Variants in UBE2D2 observed in about 807,000 individuals in gnomAD.
UBE2D2 encodes ubiquitin conjugating enzyme E2 D2.
A neutral mutation model predicts 24.2 loss-of-function variants in UBE2D2; 2 were observed. The ratio of observed to expected loss-of-function variants is 0.08; its 90% CI spans 0.03 to 0.26. The LOEUF (loss-of-function observed/expected upper bound fraction) is 0.26, where lower values mean the gene tolerates loss of function less well. Ranked by LOEUF, UBE2D2 falls within the 10% of genes least tolerant of loss-of-function variation. The pLI is 1.00. For synonymous variants in UBE2D2, 58 were observed against 56.5 expected (o/e 1.03, Z -0.12); for missense variants, 44 against 177.6 (o/e 0.25, Z 4.28).
chr5:139,614,367 C>T (rs770388833), intron 2 of UBE2D2, among the ~76,000 whole-genome samples: 1 of 152,138 alleles, frequency 6.6e-6, no homozygotes, highest in Non-Finnish European at 1.5e-5. Context: ...CCACACCTGG[C>T]TCTAAATATT....
chr5:139,583,052 C>G (rs547671641), intron 1 of UBE2D2, among the ~76,000 whole-genome samples: 1 of 151,500 alleles, frequency 6.6e-6, no homozygotes, highest in South Asian at 2.1e-4. Context: ...TTGGCTCACT[C>G]CATCTTCCGC....
chr5:139,560,180 C>A (rs188279357), upstream of UBE2D2, among the ~76,000 whole-genome samples: 121 of 147,996 alleles, frequency 8.2e-4, 1 homozygote, highest in Non-Finnish European at 1.0e-3. Flanking sequence ...TTTACAGGAA[C>A]CTGCCACCAC....
chr5:139,596,596 T>C (rs1408505031), intron 1 of UBE2D2, among the ~76,000 whole-genome samples: 1 of 150,964 alleles, frequency 6.6e-6, no homozygotes, highest in African/African-American at 2.4e-5. Context: ...CCAGCCCAAA[T>C]GTACTTTTAA....
At chr5:139,600,083 C>G (rs887768334) in intron 1 of UBE2D2, among the ~76,000 whole-genome samples, 5 of 152,126 alleles carry the variant, frequency 3.3e-5, no homozygotes, top group African/African-American at 1.2e-4. Context: ...CAGGTGTGAG[C>G]CATCACGCCC....
chr5:139,543,046 G>A (rs1752779371), intron 1 of UBE2D2, among the ~76,000 whole-genome samples: 1 of 152,044 alleles, frequency 6.6e-6, no homozygotes, highest in East Asian at 1.9e-4. Context: ...ACAGGCGCGC[G>A]CCACCATGCC....
chr5:139,565,091 A>G (rs1353271506), intron 1 of UBE2D2, among the ~76,000 whole-genome samples: 2 of 152,198 alleles, frequency 1.3e-5, no homozygotes, highest in Non-Finnish European at 2.9e-5. Context: ...CATTCCCTGA[A>G]AAAATAATTC....
chr5:139,547,544 CT>C (rs1236694707), intron 1 of UBE2D2, among the ~76,000 whole-genome samples: 2 of 150,876 alleles, frequency 1.3e-5, no homozygotes, highest in African/African-American at 2.4e-5. Context: ...GGAGTCTTGC[CT>C]GTCACCCAGG....
rs112005884 is a variant in UBE2D2, at chr5:139,615,410, G to A, written c.304+444G>A. Among the ~76,000 whole-genome samples, 569 of 152,188 alleles carry A rather than the reference G, an allele frequency of 3.7e-3. 3 individuals carry two copies. The highest frequency in any genetic ancestry group is 6.0e-3 in the Non-Finnish European group (406 of 68,016). On this transcript the variant is annotated intron_variant, in intron 5 of 6. Transcript: ENST00000398733. ...TGAGGCAGGAGAATGGTGTGAACCC[G>A]GGAGGCAGAGGTTTCAGTGAGCAGA... is the stretch of plus-strand genomic sequence containing the variant.
At chr5:139,622,560 A>G (rs1373178286) in intron 5 of UBE2D2, among the ~76,000 whole-genome samples, 1 of 148,294 alleles carries the variant, frequency 6.7e-6, no homozygotes, top group African/African-American at 2.5e-5. Context: ...TTATTTTTTA[A>G]TGACCTAACC....
At chr5:139,566,508 T>TA (rs1265038122) in intron 1 of UBE2D2, among the ~76,000 whole-genome samples, 3 of 149,342 alleles carry the variant, frequency 2.0e-5, no homozygotes, top group African/African-American at 7.7e-5. Context: ...ACATGGTCTT[T>TA]ACAAAAAATA....
chr5:139,592,839 G>A (rs1181831716), intron 1 of UBE2D2, among the ~76,000 whole-genome samples: 1 of 151,574 alleles, frequency 6.6e-6, no homozygotes, highest in African/African-American at 2.4e-5. Flanking sequence ...TCCTGACCTC[G>A]TGATCTACCC....
At chr5:139,591,870 C>T (rs980663985) in intron 1 of UBE2D2, among the ~76,000 whole-genome samples, 1 of 152,102 alleles carries the variant, frequency 6.6e-6, no homozygotes, top group Admixed American at 6.6e-5. Flanking sequence ...AATGCAGGTA[C>T]TATAGTAATG....
At chr5:139,584,767 A>G (rs975177271) in intron 1 of UBE2D2, among the ~76,000 whole-genome samples, 2 of 151,962 alleles carry the variant, frequency 1.3e-5, no homozygotes, top group Non-Finnish European at 1.5e-5. Flanking sequence ...GCCTGACCTC[A>G]GGTGATCCAC....
intron 1 of UBE2D2, among the ~76,000 whole-genome samples, chr5:139,542,451 C>G (rs960768834): frequency 6.6e-6 from 1 of 152,062 alleles, no homozygotes; most frequent in African/African-American, 2.4e-5. Context: ...CTCACTGCAA[C>G]CCCGCCTCCT....
intron 1 of UBE2D2, among the ~76,000 whole-genome samples, chr5:139,534,597 A>T (rs1322447990): frequency 6.7e-6 from 1 of 149,260 alleles, no homozygotes. Context: ...TTAGCCAGGC[A>T]TGGTGGCACA....
chr5:139,612,556 A>G (rs1754346481), intron 2 of UBE2D2, among the ~76,000 whole-genome samples: 1 of 152,250 alleles, frequency 6.6e-6, no homozygotes, highest in South Asian at 2.1e-4. Flanking sequence ...TGCAGGTACA[A>G]TTAATACTCT....
At position 139,536,678 on chromosome 5, in the gene UBE2D2, CTG is replaced by C. The variant is rs539231505; in HGVS notation, c.-64+10070_-64+10071del. ...GCAATTTTTGTATTTTTAGTAGAGG[CTG>C]TGTTTCACCCTGTTGGCCAGGCTGG... On this transcript the variant is annotated intron_variant, in intron 1 of 6. Coordinates refer to the UBE2D2 transcript ENST00000511725. Among the ~76,000 whole-genome samples the C allele has an allele frequency of 2.2e-3, 337 of 151,872 alleles. 2 individuals are homozygous for C. The highest frequency in any genetic ancestry group is 7.7e-3 in the African/African-American group (317 of 41,402).
rs1164806543 is a variant in UBE2D2 at position 139,562,009 on chromosome 5, G to A, written c.24+194G>A. 4 of 902,804 alleles carry A rather than the reference G, an allele frequency of 4.4e-6. No homozygotes were observed. In the African/African-American group the frequency reaches 5.3e-5, roughly 12 times the overall value. 55.9% of individuals were successfully genotyped at this position (902,804 alleles called of 1,614,324 possible). On this transcript the variant is annotated intron_variant, in intron 1 of 6. Transcript: ENST00000398733. ...CCGGCGCGCAGCCCGCGCTTAGGCC[G>A]GAGGTGCTCTCGCGGCCTCAGCGTT...
At chr5:139,622,873 C>A (rs1010556021) in intron 5 of UBE2D2, among the ~76,000 whole-genome samples, 3 of 150,630 alleles carry the variant, frequency 2.0e-5, no homozygotes, top group South Asian at 4.2e-4. Context: ...CCAGTCTGGG[C>A]GACAGAGCCA....
Sources: allele counts gnomAD v4.1 joint callset (sites outside exome capture counted in the v4.1 genomes callset), GRCh38; gene constraint gnomAD v4.1.1; transcripts MANE v1.5; gene names NCBI Gene and HGNC (gene_info 2026-07-23, HGNC 2026-07-21).